The following JAZF1 variants were observed in gnomAD, a reference collection of about 807,000 sequenced individuals.
JAZF1 encodes JAZF zinc finger 1, also known as juxtaposed with another zinc finger protein 1.
Under a neutral mutation model 26.4 loss-of-function variants are expected in JAZF1, and 8 were observed. That is an observed-to-expected ratio of 0.30 (90% CI 0.18 to 0.55). The LOEUF (loss-of-function observed/expected upper bound fraction) is 0.55. Ranked by LOEUF, JAZF1 falls within the 20% of genes least tolerant of loss-of-function variation. The probability of loss-of-function intolerance (pLI) is 0.94; values close to 1 mark genes in which losing one functional copy is unlikely to be tolerated. For synonymous variants in JAZF1, 126 were observed against 122.3 expected (o/e 1.03, Z -0.20); for missense variants, 199 against 322.0 (o/e 0.62, Z 2.92).
At chr7:28,176,984 CAAAAT>C (rs1783559000) in intron 1 of JAZF1, among the ~76,000 whole-genome samples, 1 of 152,042 alleles carries the variant, frequency 6.6e-6, no homozygotes, top group Non-Finnish European at 1.5e-5. Context: ...ATTATCTACT[CAAAAT>C]AAGAAGCAAG....
intron 3 of JAZF1, among the ~76,000 whole-genome samples, chr7:27,865,297 G>C (rs1783454403): frequency 6.6e-6 from 1 of 152,160 alleles, no homozygotes; most frequent in Non-Finnish European, 1.5e-5. Flanking sequence ...TTGAGCCTGG[G>C]GAGGTTGAGG....
chr7:27,887,925 G>A (rs1038475632), intron 3 of JAZF1, among the ~76,000 whole-genome samples: 6 of 152,102 alleles, frequency 3.9e-5, no homozygotes, highest in Non-Finnish European at 1.5e-5. Flanking sequence ...ATGACACTCA[G>A]GCAGAGGAAT....
chr7:28,150,360 G>A (rs1783092569), intron 1 of JAZF1, among the ~76,000 whole-genome samples: 1 of 152,126 alleles, frequency 6.6e-6, no homozygotes, highest in Admixed American at 6.5e-5. Context: ...CACAAAGCAG[G>A]CCATGAAAGA....
At chr7:27,906,838 T>G (rs1336436730) in intron 2 of JAZF1, among the ~76,000 whole-genome samples, 2 of 152,256 alleles carry the variant, frequency 1.3e-5, no homozygotes, top group Non-Finnish European at 2.9e-5. Flanking sequence ...TTTTCATTGC[T>G]AATTTGACAT....
chr7:27,891,779 G>A (rs1354259178), intron 3 of JAZF1, among the ~76,000 whole-genome samples: 1 of 152,164 alleles, frequency 6.6e-6, no homozygotes, highest in Non-Finnish European at 1.5e-5. Context: ...GCTGCAGTGA[G>A]CTATGATAGC....
At chr7:27,875,945 G>GCACTT (rs1783671390) in intron 3 of JAZF1, among the ~76,000 whole-genome samples, 1 of 152,244 alleles carries the variant, frequency 6.6e-6, no homozygotes, top group South Asian at 2.1e-4. Flanking sequence ...TAAGTCCTCA[G>GCACTT]AGGCAGCAGA....
intron 1 of JAZF1, among the ~76,000 whole-genome samples, chr7:28,015,881 C>T (rs531115574): frequency 1.3e-5 from 2 of 152,240 alleles, no homozygotes; most frequent in East Asian, 1.9e-4. Flanking sequence ...GATGGAGATG[C>T]TCTAGGTCCC....
intron 2 of JAZF1, among the ~76,000 whole-genome samples, chr7:27,921,683 C>G (rs190398272): frequency 8.5e-5 from 13 of 152,174 alleles, no homozygotes; most frequent in African/African-American, 1.7e-4. Flanking sequence ...TCATCATCAT[C>G]GTAATTCTTA....
At chr7:27,955,570 G>A (rs796753067) in intron 2 of JAZF1, among the ~76,000 whole-genome samples, 3 of 152,294 alleles carry the variant, frequency 2.0e-5, no homozygotes, top group East Asian at 3.9e-4. Context: ...ATAACAAATC[G>A]TTGTTTCGTG....
intron 1 of JAZF1, among the ~76,000 whole-genome samples, chr7:28,092,327 C>T (rs1247584131): frequency 2.6e-5 from 1 of 39,200 alleles, no homozygotes; most frequent in East Asian, 7.8e-4. Flanking sequence ...AAAAAAAAAA[C>T]AACTAATGTC....
intron 1 of JAZF1, among the ~76,000 whole-genome samples, chr7:28,106,892 G>T (rs983166919): frequency 1.3e-5 from 2 of 152,182 alleles, no homozygotes; most frequent in South Asian, 4.1e-4. Context: ...TTCCATGCAG[G>T]CCCCATGGTC....
intron 3 of JAZF1, among the ~76,000 whole-genome samples, chr7:27,891,644 T>C (rs554863875): frequency 1.3e-4 from 20 of 151,892 alleles, no homozygotes; most frequent in African/African-American, 3.4e-4. Context: ...CTGGGCAACA[T>C]AGCAAGACCT....
intron 3 of JAZF1, among the ~76,000 whole-genome samples, chr7:27,867,902 G>T (rs912471876): frequency 5.3e-5 from 8 of 152,202 alleles, no homozygotes; most frequent in Non-Finnish European, 8.8e-5. Context: ...GGAGTGCCCA[G>T]TGACCCTGGC....
intron 4 of JAZF1, among the ~76,000 whole-genome samples, chr7:27,839,668 G>T (rs1028573774): frequency 1.3e-5 from 2 of 152,200 alleles, no homozygotes; most frequent in African/African-American, 2.4e-5. Context: ...TGATGGAATT[G>T]TAACAGTACC....
At chr7:27,955,196 T>C (rs761005406) in intron 2 of JAZF1, among the ~76,000 whole-genome samples, 2 of 152,244 alleles carry the variant, frequency 1.3e-5, no homozygotes, top group Non-Finnish European at 2.9e-5. Flanking sequence ...TTCTGCCAGA[T>C]TTGTGAAGTA....
intron 1 of JAZF1, among the ~76,000 whole-genome samples, chr7:28,093,445 A>G (rs1263082895): frequency 6.6e-6 from 1 of 152,148 alleles, no homozygotes; most frequent in Non-Finnish European, 1.5e-5. Flanking sequence ...TTTATAAATT[A>G]CCCAGTCTTG....
chr7:28,106,597 T>C lies in JAZF1; in HGVS notation c.115+73866A>G, dbSNP rs146508913. Among the ~76,000 whole-genome samples the C allele has an allele frequency of 2.3e-3, 343 of 152,288 alleles. 4 individuals are homozygous for C. The highest frequency in any genetic ancestry group is 7.7e-3 in the African/African-American group (321 of 41,568). ...TTCTTGCTATGGGGATCAAGTCCAG[T>C]ATATTTTTCATTCACCATATGGTCA... On this transcript the variant is annotated intron_variant, in intron 1 of 4. Coordinates refer to ENST00000283928, the MANE Select transcript of JAZF1 (RefSeq NM_175061.4).
Position 27,984,668 on chromosome 7 carries a change from T to C in JAZF1, c.188+7241A>G, listed in dbSNP as rs376297774. ...AACATACATTCTTCTCAGCATCACA[T>C]TGCACTTATTCCAAAATTGACCACA... On this transcript the variant is annotated intron_variant, in intron 2 of 4. Transcript: ENST00000283928. Among the ~76,000 whole-genome samples the C allele has an allele frequency of 5.7e-4, 87 of 152,284 alleles. No homozygotes were observed. In the South Asian group the frequency reaches 0.017, roughly 29 times the overall value.
chr7:28,131,313 TAA>T (rs35200756), intron 1 of JAZF1, among the ~76,000 whole-genome samples: 5 of 145,824 alleles, frequency 3.4e-5, no homozygotes, highest in South Asian at 2.2e-4. Context: ...CTCTATCACT[TAA>T]AAAAAAAAAA....
Sources: allele counts gnomAD v4.1 joint callset (sites outside exome capture counted in the v4.1 genomes callset), GRCh38; gene constraint gnomAD v4.1.1; transcripts MANE v1.5; gene names NCBI Gene and HGNC (gene_info 2026-07-23, HGNC 2026-07-21).